Variants in UBTD1 observed in about 807,000 individuals in gnomAD.
UBTD1 encodes the protein ubiquitin domain containing 1.
In UBTD1, 19 loss-of-function variants were observed where a neutral mutation model predicts 21.7. That is an observed-to-expected ratio of 0.87 (90% CI 0.61 to 1.28). The LOEUF is 1.28. Among genes scored for constraint, UBTD1 ranks in the 50% most tolerant of loss-of-function variants. The pLI is 0.00. For missense variants in UBTD1, 282 were observed against 315.1 expected, an observed-to-expected ratio of 0.89 and a Z score of 0.80; for synonymous variants, 116 against 135.1, an observed-to-expected ratio of 0.86 and a Z score of 0.98.
At chr10:97,561,658 C>T (rs181536870) in intron 1 of UBTD1, among the ~76,000 whole-genome samples, 1 of 152,284 alleles carries the variant, frequency 6.6e-6, no homozygotes, top group African/African-American at 2.4e-5. Flanking sequence ...TTTTTAACTA[C>T]TGGTTTTAGG....
At chr10:97,568,288 G>A in intron 2 of UBTD1, 147 bp downstream of exon 2, 2 of 777,118 alleles carry the variant, frequency 2.6e-6, no homozygotes. Flanking sequence ...CATGGACCAG[G>A]AGTGGGTACA....
chr10:97,528,330 G>T (rs1163099062), intron 1 of UBTD1, among the ~76,000 whole-genome samples: 1 of 137,908 alleles, frequency 7.3e-6, no homozygotes, highest in African/African-American at 2.8e-5. Flanking sequence ...CCCGGACGGG[G>T]CGGCTCGCCT....
In UBTD1 at chr10:97,570,275, C is replaced by T. The variant is rs151320862; in HGVS notation, c.436C>T (p.Arg146Cys). The change falls in exon 3 of 3, where the codon CGC (arginine) becomes TGC (cysteine). Residue 146 changes from arginine (R) to cysteine (C), a missense_variant. Arg to Cys is a radical substitution (Grantham distance 180, BLOSUM62 -3). Coordinates refer to ENST00000370664, the MANE Select transcript of UBTD1 (RefSeq NM_024954.5). This position sits in a 1 kb window ranked among gnomAD's most constrained non-coding sequence, Gnocchi z 6.6. ...GCCCCCCGAGCCTCCACCCAGCGTG[C>T]GCCGTGAGTTCCCGCTGAAGGTGCG... Reference protein sequence around the residue: ...LEPPEPPPSVRREFPLKVRLS... With the variant: ...LEPPEPPPSVCREFPLKVRLS... The T allele has an allele frequency of 5.7e-5, 92 of 1,613,058 alleles. No homozygotes were observed. The highest frequency in any genetic ancestry group is 7.6e-5 in the Non-Finnish European group (90 of 1,180,004).
Position 97,531,368 on chromosome 10 carries a change from G to A in UBTD1, c.70+32095G>A, listed in dbSNP as rs538444439. Among the ~76,000 whole-genome samples, 14 of 151,922 alleles carry A rather than the reference G, an allele frequency of 9.2e-5. No homozygotes were observed. The South Asian group carries it at 1.3e-3, about 14-fold the overall frequency. ...TGGGATTACAGGCGTGCACCACCAC[G>A]CCTGGCTAATTTTTGTATTTTCGTA... is the stretch of plus-strand genomic sequence containing the variant. On this transcript the variant is annotated intron_variant, in intron 1 of 2. Transcript: ENST00000370664.
intron 1 of UBTD1, among the ~76,000 whole-genome samples, chr10:97,527,361 C>T (rs1161227462): frequency 2.6e-5 from 4 of 151,804 alleles, no homozygotes; most frequent in Non-Finnish European, 4.4e-5. Flanking sequence ...TTGGCTTTGC[C>T]CCTTCAGAGG....
At chr10:97,560,144 A>C (rs959348072) in intron 1 of UBTD1, among the ~76,000 whole-genome samples, 1 of 151,562 alleles carries the variant, frequency 6.6e-6, no homozygotes, top group Non-Finnish European at 1.5e-5. Context: ...TTTTTTCTTT[A>C]AACAACCACT....
chr10:97,509,499 CT>C (rs2040413067), intron 1 of UBTD1, among the ~76,000 whole-genome samples: 1 of 152,206 alleles, frequency 6.6e-6, no homozygotes, highest in Non-Finnish European at 1.5e-5. Flanking sequence ...CCACTGATGA[CT>C]TATATTGTAC....
At chr10:97,527,480 T>A (rs564380096) in intron 1 of UBTD1, among the ~76,000 whole-genome samples, 6 of 152,010 alleles carry the variant, frequency 3.9e-5, no homozygotes, top group African/African-American at 9.6e-5. Flanking sequence ...TTTTTATTTT[T>A]ATTTTATTTT....
intron 1 of UBTD1, among the ~76,000 whole-genome samples, chr10:97,524,402 C>T (rs1049206372): frequency 4.6e-5 from 7 of 152,222 alleles, no homozygotes; most frequent in Middle Eastern, 3.4e-3. Context: ...AGCCCGGTCC[C>T]CCATAGAGTT....
chr10:97,546,329 C>T (rs1160111684), intron 1 of UBTD1, among the ~76,000 whole-genome samples: 1 of 152,058 alleles, frequency 6.6e-6, no homozygotes, highest in Non-Finnish European at 1.5e-5. Flanking sequence ...TGGCTCACAC[C>T]TGTAGTCCCA....
intron 1 of UBTD1, among the ~76,000 whole-genome samples, chr10:97,548,138 C>T (rs1490922725): frequency 1.3e-5 from 2 of 152,198 alleles, no homozygotes; most frequent in Non-Finnish European, 2.9e-5. Context: ...CCAAAGAAAA[C>T]CCCCACTGTC....
At chr10:97,502,942 G>A (rs1431346195) in intron 1 of UBTD1, among the ~76,000 whole-genome samples, 5 of 148,916 alleles carry the variant, frequency 3.4e-5, no homozygotes, top group African/African-American at 1.2e-4. Context: ...TGAGAGAGAG[G>A]GTCTTGTTCT....
chr10:97,561,965 A>G (rs1267363812), intron 1 of UBTD1, among the ~76,000 whole-genome samples: 1 of 152,118 alleles, frequency 6.6e-6, no homozygotes. Flanking sequence ...AAGTCCTCCA[A>G]CCAGTTGAAC....
chr10:97,529,099 GC>G (rs1414738786), intron 1 of UBTD1, among the ~76,000 whole-genome samples: 2 of 151,804 alleles, frequency 1.3e-5, no homozygotes, highest in Non-Finnish European at 2.9e-5. Context: ...GTCGCGGCCG[GC>G]CGAGGCACTC....
intron 1 of UBTD1, among the ~76,000 whole-genome samples, chr10:97,513,382 A>G (rs2040430330): frequency 6.6e-6 from 1 of 152,246 alleles, no homozygotes; most frequent in East Asian, 1.9e-4. Context: ...GACAAAGGCA[A>G]CATGTAGACC....
chr10:97,519,029 C>T (rs2040456065), intron 1 of UBTD1, among the ~76,000 whole-genome samples: 1 of 152,250 alleles, frequency 6.6e-6, no homozygotes, highest in South Asian at 2.1e-4. Context: ...AGACCAGAAC[C>T]TGTATCAGTC....
intron 1 of UBTD1, among the ~76,000 whole-genome samples, chr10:97,548,771 C>T (rs902294969): frequency 7.9e-5 from 12 of 152,078 alleles, no homozygotes; most frequent in Admixed American, 2.0e-4. Flanking sequence ...AGCAAGACTC[C>T]GTCTCAAAAA....
rs550079038 is a variant in UBTD1 at position 97,549,277 on chromosome 10, C to T, written c.71-18637C>T. Among the ~76,000 whole-genome samples the T allele has an allele frequency of 2.6e-5, 4 of 152,356 alleles. No homozygotes were observed. The South Asian group carries it at 8.3e-4, about 32-fold the overall frequency. ...CCACCTCCACCCACTCCCTTTCTTTCTGCCTCTTCCTATTCAGTGAGGCTT... is the reference window on the plus strand; with the variant it reads ...CCACCTCCACCCACTCCCTTTCTTTTTGCCTCTTCCTATTCAGTGAGGCTT... On this transcript the variant is annotated intron_variant, in intron 1 of 2. Transcript: ENST00000370664.
At chr10:97,513,944 A>C (rs1464792572) in intron 1 of UBTD1, among the ~76,000 whole-genome samples, 1 of 151,518 alleles carries the variant, frequency 6.6e-6, no homozygotes. Context: ...ACTCCTGGCC[A>C]CAAGCACTTC....
Sources: allele counts gnomAD v4.1 joint callset (sites outside exome capture counted in the v4.1 genomes callset), GRCh38; gene constraint gnomAD v4.1.1; non-coding constraint Gnocchi (gnomAD v3.1); transcripts MANE v1.5; gene names NCBI Gene and HGNC (gene_info 2026-07-23, HGNC 2026-07-21).